The following PRP4K variants were observed in gnomAD, a reference collection of about 807,000 sequenced individuals.
PRP4K encodes pre-mRNA processing factor kinase PRP4K.
the PRP4K span, among the ~76,000 whole-genome samples, chr6:4,057,911 G>T: frequency 6.6e-6 from 1 of 152,146 alleles, no homozygotes; most frequent in East Asian, 1.9e-4. Flanking sequence ...ACCGCACCCG[G>T]CTGTAACTTA....
chr6:4,040,255 T>C, the PRP4K span, among the ~76,000 whole-genome samples: 4 of 152,016 alleles, frequency 2.6e-5, no homozygotes, highest in African/African-American at 4.8e-5. Context: ...CATTGAAACA[T>C]GCATATAACT....
chr6:4,028,874 T>G, the PRP4K span, among the ~76,000 whole-genome samples: 1 of 152,098 alleles, frequency 6.6e-6, no homozygotes, highest in East Asian at 1.9e-4. Context: ...TATTCAAGAC[T>G]ATGAGACCTG....
the PRP4K span, among the ~76,000 whole-genome samples, chr6:4,024,153 C>T: frequency 6.6e-6 from 1 of 152,054 alleles, no homozygotes; most frequent in Admixed American, 6.5e-5. Flanking sequence ...GCGTGAGCTA[C>T]CGTGCCGAGC....
At chr6:4,022,971 T>G in the PRP4K span, among the ~76,000 whole-genome samples, 1 of 152,234 alleles carries the variant, frequency 6.6e-6, no homozygotes. Flanking sequence ...CAAATAATAT[T>G]AGACTTAATA....
At chr6:4,047,872 ATG>A in the PRP4K span, among the ~76,000 whole-genome samples, 1 of 151,132 alleles carries the variant, frequency 6.6e-6, no homozygotes, top group Non-Finnish European at 1.5e-5. Flanking sequence ...GAAAATAAAA[ATG>A]TGGTAAGATA....
the PRP4K span, among the ~76,000 whole-genome samples, chr6:4,042,781 T>C: frequency 6.6e-6 from 1 of 152,352 alleles, no homozygotes; most frequent in Admixed American, 6.5e-5. Flanking sequence ...TGGTTGTTTA[T>C]ACATAGAATT....
At chr6:4,043,678 C>G in the PRP4K span, 1 of 833,610 alleles carries the variant, frequency 1.2e-6, no homozygotes, top group Non-Finnish European at 1.9e-6. Context: ...TTTGATTGAA[C>G]CAATAAATAC....
chr6:4,029,012 C>CTTTTTTTTTTTTTTT, the PRP4K span, among the ~76,000 whole-genome samples: 815 of 132,280 alleles, frequency 6.2e-3, 58 homozygotes, highest in Non-Finnish European at 9.3e-3. Context: ...TACTTGGAAT[C>CTTTTTTTTTTTTTTT]TTTTTTTTTT....
the PRP4K span, chr6:4,032,613 A>G: frequency 2.5e-6 from 4 of 1,614,004 alleles, no homozygotes; most frequent in Non-Finnish European, 3.4e-6. Context: ...ATCAAGAAGA[A>G]GCAGGTCTCC....
chr6:4,041,479 G>T, the PRP4K span, among the ~76,000 whole-genome samples: 4 of 151,744 alleles, frequency 2.6e-5, no homozygotes, highest in African/African-American at 7.3e-5. Context: ...CTTGACCCTG[G>T]GGGGAGAAGG....
At chr6:4,059,715 G>A in the PRP4K span, among the ~76,000 whole-genome samples, 2 of 151,856 alleles carry the variant, frequency 1.3e-5, no homozygotes, top group South Asian at 4.2e-4. Flanking sequence ...GCACGATCTT[G>A]GCTCACAGCA....
the PRP4K span, chr6:4,042,619 GCT>G: frequency 2.7e-6 from 4 of 1,465,454 alleles, no homozygotes; most frequent in South Asian, 4.9e-5. Flanking sequence ...AGATTTTTTT[GCT>G]TTAACAAAAA....
At chr6:4,021,789 G>A in the PRP4K span, among the ~76,000 whole-genome samples, 1 of 152,174 alleles carries the variant, frequency 6.6e-6, no homozygotes, top group Non-Finnish European at 1.5e-5. Flanking sequence ...TGCCTCTTTT[G>A]GGGACCCATC....
the PRP4K span, chr6:4,061,839 G>A: frequency 6.6e-6 from 1 of 152,518 alleles, no homozygotes; most frequent in African/African-American, 2.4e-5. Context: ...CATGTGAAGT[G>A]GACCATGCAG....
chr6:4,052,203 A>G, the PRP4K span: 43 of 1,253,702 alleles, frequency 3.4e-5, no homozygotes, highest in Non-Finnish European at 4.2e-5. Context: ...GATTTGTTTT[A>G]TCCACACAGC....
the PRP4K span, chr6:4,064,546 T>C: frequency 6.6e-6 from 1 of 152,386 alleles, no homozygotes; most frequent in Non-Finnish European, 1.5e-5. Flanking sequence ...TTTCCTCATT[T>C]AGTTATAATG....
the PRP4K span, chr6:4,058,834 C>T: frequency 1.0e-4 from 162 of 1,543,448 alleles, 2 homozygotes; most frequent in East Asian, 3.4e-3. Flanking sequence ...TTAAATGCAG[C>T]ATGCAATAGT....
At chr6:4,048,804 G>GTT in the PRP4K span, among the ~76,000 whole-genome samples, 2 of 126,738 alleles carry the variant, frequency 1.6e-5, no homozygotes, top group South Asian at 2.3e-4. Context: ...AGGGGTTTTT[G>GTT]TTTTTTTTTT....
At chr6:4,058,709 TTTTTG>T in the PRP4K span, 5 of 1,598,320 alleles carry the variant, frequency 3.1e-6, no homozygotes, top group Non-Finnish European at 4.3e-6. Context: ...AAAACCCAAG[TTTTTG>T]TTTTGTTTTG....
Sources: allele counts gnomAD v4.1 joint callset (sites outside exome capture counted in the v4.1 genomes callset), GRCh38; gene constraint gnomAD v4.1.1; transcripts MANE v1.5; gene names NCBI Gene and HGNC (gene_info 2026-07-23, HGNC 2026-07-21).